Variants in COL23A1 observed in about 807,000 individuals in gnomAD.
The protein encoded by COL23A1 is collagen type XXIII alpha 1 chain.
Under a neutral mutation model 99.3 loss-of-function variants are expected in COL23A1, and 97 were observed. The ratio of observed to expected loss-of-function variants is 0.98; its 90% CI spans 0.83 to 1.16. The LOEUF is 1.16. Among genes scored for constraint, COL23A1 ranks in the 50% most tolerant of loss-of-function variants. The pLI, the probability that COL23A1 is intolerant of heterozygous loss-of-function variation, is 0.00. For missense variants in COL23A1, 762 were observed against 757.4 expected (o/e 1.01, Z -0.07); for synonymous variants, 320 against 308.2 (o/e 1.04, Z -0.40).
At chr5:178,294,150 C>G (rs1398851214) in intron 3 of COL23A1, among the ~76,000 whole-genome samples, 1 of 152,130 alleles carries the variant, frequency 6.6e-6, no homozygotes, top group Non-Finnish European at 1.5e-5. Flanking sequence ...GATCCTGACA[C>G]TTCCCTCCTC....
chr5:178,539,901 A>G (rs1269473142), intron 2 of COL23A1, among the ~76,000 whole-genome samples: 4 of 152,198 alleles, frequency 2.6e-5, no homozygotes, highest in African/African-American at 9.7e-5. Flanking sequence ...AACATATTAA[A>G]ATAATATATC....
chr5:178,373,421 A>G (rs1006920829), intron 2 of COL23A1, among the ~76,000 whole-genome samples: 1 of 151,268 alleles, frequency 6.6e-6, no homozygotes, highest in Non-Finnish European at 1.5e-5. Flanking sequence ...TTTTATTTTT[A>G]TTTTTATTTT....
intron 2 of COL23A1, among the ~76,000 whole-genome samples, chr5:178,475,735 G>T (rs1756993311): frequency 6.6e-6 from 1 of 152,162 alleles, no homozygotes; most frequent in East Asian, 1.9e-4. Flanking sequence ...CTCCTTGTTG[G>T]AGCTCAGAGG....
At chr5:178,459,914 T>C (rs1756025533) in intron 2 of COL23A1, among the ~76,000 whole-genome samples, 2 of 152,116 alleles carry the variant, frequency 1.3e-5, no homozygotes, top group Admixed American at 1.3e-4. Flanking sequence ...TACGCACACA[T>C]ACAATTTTGA....
intron 2 of COL23A1, among the ~76,000 whole-genome samples, chr5:178,480,920 A>G (rs1223816000): frequency 6.6e-6 from 1 of 151,980 alleles, no homozygotes; most frequent in Non-Finnish European, 1.5e-5. Flanking sequence ...CTGAGGTGGG[A>G]GGATCACTTG....
chr5:178,267,171 G>T, intron 8 of COL23A1, 136 bp downstream of exon 8: 1 of 936,616 alleles, frequency 1.1e-6, no homozygotes, highest in Non-Finnish European at 1.7e-6. Context: ...CGGTGCTATG[G>T]GTGGGGAAGA....
At chr5:178,369,563 T>C (rs72822844) in intron 2 of COL23A1, among the ~76,000 whole-genome samples, 16,656 of 152,164 alleles carry the variant, frequency 0.11, 949 homozygotes, top group South Asian at 0.21. Flanking sequence ...AGGGACCCAG[T>C]GGGAGGTAAT....
At chr5:178,551,725 G>A (rs1458788035) in intron 2 of COL23A1, among the ~76,000 whole-genome samples, 1 of 152,152 alleles carries the variant, frequency 6.6e-6, no homozygotes, top group African/African-American at 2.4e-5. Context: ...GGATGCTGCA[G>A]TGAACCAGGC....
At chr5:178,489,372 G>C (rs564457753) in intron 2 of COL23A1, among the ~76,000 whole-genome samples, 2 of 152,336 alleles carry the variant, frequency 1.3e-5, no homozygotes, top group African/African-American at 4.8e-5. Flanking sequence ...GGGCTGCACT[G>C]TCGGCTCCCC....
chr5:178,484,958 C>A (rs1392434331), intron 2 of COL23A1, among the ~76,000 whole-genome samples: 1 of 152,092 alleles, frequency 6.6e-6, no homozygotes, highest in Non-Finnish European at 1.5e-5. Context: ...GGCCAAGGAC[C>A]CCCAGTGCCT....
intron 2 of COL23A1, among the ~76,000 whole-genome samples, chr5:178,508,512 G>C (rs779613054): frequency 3.5e-4 from 54 of 152,166 alleles, no homozygotes; most frequent in Non-Finnish European, 1.0e-4. Context: ...ACACCACTCT[G>C]GCAGGAAAAG....
intron 2 of COL23A1, among the ~76,000 whole-genome samples, chr5:178,515,164 G>T (rs532742245): frequency 6.6e-6 from 1 of 152,220 alleles, no homozygotes; most frequent in Admixed American, 6.5e-5. Context: ...ATCCCACCCA[G>T]CCCTCCTGGG....
At chr5:178,326,179 C>G (rs1354042847) in intron 2 of COL23A1, among the ~76,000 whole-genome samples, 2 of 152,160 alleles carry the variant, frequency 1.3e-5, no homozygotes, top group East Asian at 1.9e-4. Flanking sequence ...GCCGAATACT[C>G]CATCAACAGT....
chr5:178,586,414 C>G (rs1764008746), intron 1 of COL23A1, among the ~76,000 whole-genome samples: 1 of 152,154 alleles, frequency 6.6e-6, no homozygotes, highest in Non-Finnish European at 1.5e-5. Context: ...GCATGGTCTG[C>G]TCTGCTCTGC....
At chr5:178,339,818 C>G (rs1760552369) in intron 2 of COL23A1, among the ~76,000 whole-genome samples, 2 of 152,116 alleles carry the variant, frequency 1.3e-5, no homozygotes, top group South Asian at 2.1e-4. Context: ...GCTGCTTTTC[C>G]CCAGCACTGG....
chr5:178,407,143 G>A (rs909181723), intron 2 of COL23A1, among the ~76,000 whole-genome samples: 5 of 152,224 alleles, frequency 3.3e-5, no homozygotes, highest in Admixed American at 1.3e-4. Flanking sequence ...ATGGGGAGCA[G>A]TAATGAGGCA....
chr5:178,565,180 G>C (rs1287539671), intron 1 of COL23A1, among the ~76,000 whole-genome samples: 1 of 152,248 alleles, frequency 6.6e-6, no homozygotes, highest in South Asian at 2.1e-4. Flanking sequence ...CCACATGGGT[G>C]TTGGAATGAT....
intron 2 of COL23A1, among the ~76,000 whole-genome samples, chr5:178,401,301 G>C (rs145352092): frequency 6.6e-6 from 1 of 152,224 alleles, no homozygotes; most frequent in Non-Finnish European, 1.5e-5. Context: ...TGAATAGTGC[G>C]GCTATGAACA....
At chr5:178,504,579 C>A (rs886106882) in intron 2 of COL23A1, among the ~76,000 whole-genome samples, 1 of 152,070 alleles carries the variant, frequency 6.6e-6, no homozygotes, top group Non-Finnish European at 1.5e-5. Context: ...ACAGCTGCTG[C>A]GATGTGGACT....
Sources: gnomAD v4.1 joint callset for allele counts (sites outside exome capture counted in the v4.1 genomes callset) on GRCh38, gnomAD v4.1.1 for gene constraint, MANE v1.5 for transcripts, NCBI Gene and HGNC (gene_info 2026-07-23, HGNC 2026-07-21) for gene names.